ADAM2: variants seen among roughly 807,000 people sequenced by gnomAD.
ADAM2 encodes the protein disintegrin and metalloproteinase domain-containing protein 2.
In ADAM2, 101 loss-of-function variants were observed where a neutral mutation model predicts 99.3. That is an observed-to-expected ratio of 1.02 (90% CI 0.87 to 1.20). The LOEUF is 1.20. Ranked by LOEUF, ADAM2 falls within the 50% of genes most tolerant of loss-of-function variation. ADAM2 has a pLI of 0.00. For missense variants in ADAM2, 948 were observed against 878.7 expected (o/e 1.08, Z -1.00); for synonymous variants, 323 against 287.6 (o/e 1.12, Z -1.25).
intron 14 of ADAM2, among the ~76,000 whole-genome samples, chr8:39,765,504 G>A (rs2129584009): frequency 6.6e-6 from 1 of 152,078 alleles, no homozygotes; most frequent in Admixed American, 6.5e-5. Flanking sequence ...ATAAATTCCT[G>A]GACACATCCA....
chr8:39,795,860 C>T (rs957612841), intron 7 of ADAM2, among the ~76,000 whole-genome samples: 17 of 152,094 alleles, frequency 1.1e-4, no homozygotes, highest in African/African-American at 4.1e-4. Context: ...TGTAAATAGA[C>T]ATGAAAAATT....
At chr8:39,757,843 A>G (rs931301167) in intron 15 of ADAM2, among the ~76,000 whole-genome samples, 1 of 152,220 alleles carries the variant, frequency 6.6e-6, no homozygotes, top group African/African-American at 2.4e-5. Context: ...AGAAAAAGTA[A>G]AATATAACAT....
intron 3 of ADAM2, among the ~76,000 whole-genome samples, chr8:39,826,876 C>A (rs1805427742): frequency 6.6e-6 from 1 of 151,628 alleles, no homozygotes; most frequent in Admixed American, 6.6e-5. Flanking sequence ...GTAACAAAAC[C>A]AAAACTAGAC....
chr8:39,779,896 CT>C (rs989552640), intron 10 of ADAM2, among the ~76,000 whole-genome samples: 37 of 151,968 alleles, frequency 2.4e-4, no homozygotes, highest in African/African-American at 7.0e-4. Flanking sequence ...CTATCTATGC[CT>C]TTTTTTTCTT....
chr8:39,782,284 G>T (rs1374134151), intron 10 of ADAM2, among the ~76,000 whole-genome samples: 4 of 151,992 alleles, frequency 2.6e-5, no homozygotes, highest in Non-Finnish European at 5.9e-5. Flanking sequence ...AGATTATAAT[G>T]ATTGATTTCA....
chr8:39,751,803 A>G (rs1801958460), intron 16 of ADAM2, among the ~76,000 whole-genome samples: 2 of 152,158 alleles, frequency 1.3e-5, no homozygotes, highest in Admixed American at 6.6e-5. Context: ...TTATGTAGGA[A>G]CTAAAATGCT....
At chr8:39,821,947 T>C (rs1258900976) in intron 4 of ADAM2, among the ~76,000 whole-genome samples, 1 of 152,180 alleles carries the variant, frequency 6.6e-6, no homozygotes, top group African/African-American at 2.4e-5. Flanking sequence ...ATATTTTTCA[T>C]ACTTTTCTGA....
In ADAM2 at chr8:39,838,141, C is replaced by T. The variant is rs1136494; in HGVS notation, c.45G>A (p.Arg15=). 3.1e-6 allele frequency: 5 copies of T among 1,614,140 alleles called. No homozygotes were observed. Among genetic ancestry groups the T allele is most frequent in the Non-Finnish European group, 4.2e-6 (5 of 1,180,020 alleles). ...GGTTTTTCTGCTTACTACTGTCCAT[C>T]CGCAGCCCGCCGAGCCCGCTGAGCA... The part of the protein sequence containing the change: ...LFLLSGLGGL[R]MDSNFDSLPV... The change falls in exon 1 of 21, where the codon CGG becomes CGA. Residue 15 remains arginine (R), a synonymous_variant. Transcript: ENST00000265708.
At chr8:39,786,941 G>A (rs766819871) in intron 10 of ADAM2, 33 bp downstream of exon 10, 11 of 1,433,944 alleles carry the variant, frequency 7.7e-6, no homozygotes, top group Non-Finnish European at 8.6e-6. Context: ...ACTAATTTAT[G>A]TAGCATACTT....
chr8:39,832,902 T>C (rs1563387945), intron 3 of ADAM2, among the ~76,000 whole-genome samples: 1 of 152,192 alleles, frequency 6.6e-6, no homozygotes, highest in Non-Finnish European at 1.5e-5. Context: ...GTATATTCTA[T>C]ACATTTTTTC....
intron 7 of ADAM2, among the ~76,000 whole-genome samples, chr8:39,798,924 CTCTTT>C (rs1335186984): frequency 6.6e-6 from 1 of 151,902 alleles, no homozygotes; most frequent in East Asian, 1.9e-4. Context: ...TGGTTCTTCT[CTCTTT>C]TCTTCTTTAT....
chr8:39,834,732 CA>C (rs79431764), intron 2 of ADAM2, among the ~76,000 whole-genome samples: 640 of 52,886 alleles, frequency 0.012, 1 homozygote, highest in Admixed American at 0.059. Flanking sequence ...AAGACTCCAT[CA>C]AAAAAAAAAA....
At position 39,801,755 on chromosome 8, in the gene ADAM2, G is replaced by A. The variant is rs117483252; in HGVS notation, c.570+7655C>T. On this transcript the variant is annotated intron_variant, in intron 7 of 20. Coordinates refer to ENST00000265708, the MANE Select transcript of ADAM2 (RefSeq NM_001464.5). Reference sequence around the variant, plus strand: ...CTGCAGGGAAGCCCCACCCACTGAGGAGGATGTGTCAGGATTAGACCTAGA... The same window carrying A: ...CTGCAGGGAAGCCCCACCCACTGAGAAGGATGTGTCAGGATTAGACCTAGA... 7.4e-4 allele frequency among the ~76,000 whole-genome samples: 113 copies of A among 152,194 alleles called. 1 individual carries two copies. The highest frequency in any genetic ancestry group is 1.2e-3 in the Non-Finnish European group (82 of 67,998).
intron 3 of ADAM2, among the ~76,000 whole-genome samples, chr8:39,832,878 C>T (rs1805673779): frequency 6.6e-6 from 1 of 151,896 alleles, no homozygotes; most frequent in Non-Finnish European, 1.5e-5. Flanking sequence ...CATTACATCA[C>T]CATAAATTGT....
intron 2 of ADAM2, among the ~76,000 whole-genome samples, chr8:39,834,742 A>G (rs181663786): frequency 0.036 from 5,357 of 149,970 alleles, 122 homozygotes; most frequent in South Asian, 0.14. Flanking sequence ...CAAAAAAAAA[A>G]AAAAAAAAAA....
intron 10 of ADAM2, among the ~76,000 whole-genome samples, chr8:39,784,155 T>G (rs1803355186): frequency 6.6e-6 from 1 of 152,078 alleles, no homozygotes; most frequent in African/African-American, 2.4e-5. Context: ...AGGCAGAACT[T>G]CAACTATTCT....
At chr8:39,778,069 TATA>T (rs1309503211) in intron 10 of ADAM2, among the ~76,000 whole-genome samples, 4 of 148,516 alleles carry the variant, frequency 2.7e-5, no homozygotes. Flanking sequence ...ATTATAAACA[TATA>T]ATTTAAATTT....
chr8:39,768,561 A>C (rs1563345024), intron 12 of ADAM2, among the ~76,000 whole-genome samples: 2 of 152,154 alleles, frequency 1.3e-5, no homozygotes, highest in African/African-American at 4.8e-5. Context: ...TTAAATATCG[A>C]CCTGGATTAA....
intron 2 of ADAM2, among the ~76,000 whole-genome samples, chr8:39,834,591 C>T (rs777334723): frequency 4.6e-5 from 7 of 151,858 alleles, no homozygotes; most frequent in South Asian, 2.1e-4. Context: ...AAAAATTAGC[C>T]GGGCATGGGG....
Sources: gnomAD v4.1 joint callset for allele counts (sites outside exome capture counted in the v4.1 genomes callset) on GRCh38, gnomAD v4.1.1 for gene constraint, MANE v1.5 for transcripts, NCBI Gene and HGNC (gene_info 2026-07-23, HGNC 2026-07-21) for gene names.